The following ELMOD2 variants were observed in gnomAD, a reference collection of about 807,000 sequenced individuals.
ELMOD2 encodes ELMO domain containing 2, also known as ELMO domain-containing protein 2.
Under a neutral mutation model 41.0 loss-of-function variants are expected in ELMOD2, and 28 were observed. The observed-to-expected ratio is 0.68, with a 90% confidence interval of 0.51 to 0.94. ELMOD2 has a LOEUF of 0.94. Among genes scored for constraint, ELMOD2 ranks in the 40% least tolerant of loss-of-function variants. ELMOD2 has a pLI of 0.00. For synonymous variants in ELMOD2, 106 were observed against 107.2 expected, an observed-to-expected ratio of 0.99 and a Z score of 0.07; for missense variants, 333 against 343.1, an observed-to-expected ratio of 0.97 and a Z score of 0.23.
chr4:140,534,397 A>G (rs1296312638), intron 3 of ELMOD2, among the ~76,000 whole-genome samples: 1 of 152,166 alleles, frequency 6.6e-6, no homozygotes, highest in Non-Finnish European at 1.5e-5. Context: ...TGAAGGAAGA[A>G]TTGATTGAAA....
chr4:140,524,620 A>G, intron 1 of ELMOD2: 1 of 985,484 alleles, frequency 1.0e-6, no homozygotes, highest in Non-Finnish European at 1.2e-6. Context: ...ACCTGCGGGT[A>G]CTTCGAACTT....
At position 140,550,230 on chromosome 4, in the gene ELMOD2, GTTATC is replaced by G; in HGVS notation, c.740_744del (p.Tyr247CysfsTer3). The G allele has an allele frequency of 6.2e-7, 1 of 1,607,418 alleles. No individual in the cohort carries two copies. Among genetic ancestry groups the G allele is most frequent in the Non-Finnish European group, 8.5e-7 (1 of 1,176,456 alleles). On this transcript the variant is annotated frameshift_variant and splice_region_variant, in exon 9 of 9. Coordinates refer to ENST00000323570, the MANE Select transcript of ELMOD2 (RefSeq NM_153702.4). LOFTEE classifies it high-confidence loss of function. ...ATGTTTTGTTTTTCTTTAACTGCAG[GTTATC>G]TTGTCTATGAATTTGACAAGTTTTG...
Position 140,550,260 on chromosome 4 carries a change from G to T in ELMOD2, c.767G>T (p.Trp256Leu). The change falls in exon 9 of 9, where the codon TGG (tryptophan) becomes TTG (leucine). Residue 256 changes from tryptophan (W) to leucine (L), a missense_variant. Coordinates refer to ENST00000323570, the MANE Select transcript of ELMOD2 (RefSeq NM_153702.4). ...CTTGTCTATGAATTTGACAAGTTTTGGTTTGAAGAAGAACCAGAAAGCATT... is the reference window on the plus strand; with the variant it reads ...CTTGTCTATGAATTTGACAAGTTTTTGTTTGAAGAAGAACCAGAAAGCATT... ...CYLVYEFDKF[W>L]FEEEPESIMY... 1 of 1,610,428 alleles carries T rather than the reference G, an allele frequency of 6.2e-7. No individual in the cohort carries two copies. The highest frequency in any genetic ancestry group is 1.1e-5 in the South Asian group (1 of 90,534).
At chr4:140,533,640 C>A (rs563092378) in intron 3 of ELMOD2, among the ~76,000 whole-genome samples, 4 of 152,250 alleles carry the variant, frequency 2.6e-5, no homozygotes, top group Non-Finnish European at 4.4e-5. Context: ...CAAAATAAAA[C>A]TGCTTATCAA....
At position 140,535,754 on chromosome 4, in the gene ELMOD2, G is replaced by A; in HGVS notation, c.193G>A (p.Val65Ile). Reference protein sequence around the residue: ...KNKVLQKATHVVQSEVDKYVD... With the variant: ...KNKVLQKATHIVQSEVDKYVD... ...ATAGGTTTTACAGAAGGCGACACAT[G>A]TTGTTCAGAGTGAAGTGGACAAATA... The change falls in exon 4 of 9, where the codon GTT (valine) becomes ATT (isoleucine). Residue 65 changes from valine to isoleucine, a missense_variant. Coordinates refer to ENST00000323570, the MANE Select transcript of ELMOD2 (RefSeq NM_153702.4). 3.7e-6 allele frequency: 6 copies of A among 1,610,350 alleles called. No individual in the cohort carries two copies. Among genetic ancestry groups the A allele is most frequent in the East Asian group, 2.2e-5 (1 of 44,786 alleles).
rs189740640 is a variant in ELMOD2, at chr4:140,530,906, T to C, written c.171+3412T>C. Among the ~76,000 whole-genome samples, 93 of 152,296 alleles carry C rather than the reference T, an allele frequency of 6.1e-4. 1 individual carries two copies. The highest frequency in any genetic ancestry group is 2.2e-3 in the African/African-American group (90 of 41,580). ...TGGGTTCAAATCCTGATATTATCAA[T>C]TACCAGTTGTTTGACTGTGTACAAG... is the stretch of plus-strand genomic sequence containing the variant. On this transcript the variant is annotated intron_variant, in intron 3 of 8. Coordinates refer to ENST00000323570, the MANE Select transcript of ELMOD2 (RefSeq NM_153702.4).
At chr4:140,524,778 T>C in intron 1 of ELMOD2, 1 of 363,310 alleles carries the variant, frequency 2.8e-6, no homozygotes, top group East Asian at 1.7e-4. Context: ...AGAATTTTCT[T>C]ATGGCATAAG....
In ELMOD2 at chr4:140,550,358, C is replaced by T; in HGVS notation, c.865C>T (p.Leu289Phe). The T allele has an allele frequency of 6.2e-7, 1 of 1,604,342 alleles. No homozygotes were observed. ...KGLLLDCNVA[L>F]TLKV ...ACTTTTACTGGATTGTAATGTAGCA[C>T]TTACTTTAAAAGTATAAATCATCCA... The change falls in exon 9 of 9, where the codon CTT (leucine) becomes TTT (phenylalanine). Residue 289 changes from leucine to phenylalanine, a missense_variant. By Grantham distance (22) the Leu-to-Phe change is conservative. Transcript: ENST00000323570.
chr4:140,536,698 C>T (rs1044308904), intron 4 of ELMOD2, among the ~76,000 whole-genome samples: 6 of 152,048 alleles, frequency 3.9e-5, no homozygotes, highest in Non-Finnish European at 7.4e-5. Context: ...TTTAAGCAAA[C>T]AAGCTACATT....
At chr4:140,539,579 C>T (rs1379573429) in intron 5 of ELMOD2, among the ~76,000 whole-genome samples, 1 of 152,152 alleles carries the variant, frequency 6.6e-6, no homozygotes, top group African/African-American at 2.4e-5. Context: ...ATCTCCTGAC[C>T]TGGTGATCCA....
At position 140,535,730 on chromosome 4, in the gene ELMOD2, T is replaced by C. The variant is rs764828997; in HGVS notation, c.172-3T>C. 1.9e-6 allele frequency: 3 copies of C among 1,605,402 alleles called. No individual in the cohort carries two copies. Among genetic ancestry groups the C allele is most frequent in the Admixed American group, 3.5e-5 (2 of 57,514 alleles). The stretch of plus-strand genomic sequence containing the variant: ...CTCATTTGGCTTTCTTTTACATAAA[T>C]AGGTTTTACAGAAGGCGACACATGT... On this transcript the variant is annotated splice_region_variant and splice_polypyrimidine_tract_variant and intron_variant, in intron 3 of 8. Transcript: ENST00000323570.
At chr4:140,545,658 G>A (rs1276090564) in intron 8 of ELMOD2, among the ~76,000 whole-genome samples, 1 of 152,122 alleles carries the variant, frequency 6.6e-6, no homozygotes. Context: ...TAGCAGGCGT[G>A]AGATGCTTTC....
At chr4:140,524,615 CG>C (rs2110807245) in intron 1 of ELMOD2, 3 of 985,440 alleles carry the variant, frequency 3.0e-6, no homozygotes, top group South Asian at 9.4e-5. Flanking sequence ...CACTGACCTG[CG>C]GGTACTTCGA....
chr4:140,531,767 T>C (rs1415873030), intron 3 of ELMOD2, among the ~76,000 whole-genome samples: 1 of 152,218 alleles, frequency 6.6e-6, no homozygotes, highest in Non-Finnish European at 1.5e-5. Flanking sequence ...GTAAATTGTT[T>C]GATTTTACAC....
chr4:140,525,292 A>G (rs1012510671), intron 1 of ELMOD2, 128 bp from the exon 2 acceptor site: 5 of 1,033,766 alleles, frequency 4.8e-6, no homozygotes, highest in Non-Finnish European at 6.9e-6. Flanking sequence ...TGCCTAATTA[A>G]ACTGTCAAAA....
rs773912242 is a variant in ELMOD2, at chr4:140,537,583, A to T, written c.399+42A>T. ...TTTATGTGGAGTTGTTGAACGCTAG[A>T]AAAATAAATCAGGCTTCAGCTAAGT... On this transcript the variant is annotated intron_variant, in intron 5 of 8. Transcript: ENST00000323570. 3.3e-5 allele frequency: 52 copies of T among 1,588,072 alleles called. No individual in the cohort carries two copies. The East Asian group carries it at 1.0e-3, about 31-fold the overall frequency.
chr4:140,541,095 AT>A (rs1735092912), intron 6 of ELMOD2, among the ~76,000 whole-genome samples: 1 of 152,222 alleles, frequency 6.6e-6, no homozygotes. Context: ...ATCCCCAAAT[AT>A]GTAAGTGAAG....
chr4:140,542,475 C>T (rs756043642), intron 6 of ELMOD2, 99 bp from the exon 7 acceptor site: 4 of 813,502 alleles, frequency 4.9e-6, no homozygotes, highest in Non-Finnish European at 7.8e-6. Flanking sequence ...CATGGCAATA[C>T]TAGGACTATG....
rs1735510151 is a variant in ELMOD2 at position 140,553,108 on chromosome 4, A to G, written c.*2733A>G. On this transcript the variant is annotated 3_prime_UTR_variant, in exon 9 of 9. Transcript: ENST00000323570. The stretch of plus-strand genomic sequence containing the variant: ...TATATGTACTCTTCACTTTTGTTCC[A>G]GTACTATAATTGCTCATGCACTCTT... The G allele has an allele frequency of 6.6e-6, 1 of 152,108 alleles. No homozygotes were observed. Among genetic ancestry groups the G allele is most frequent in the African/African-American group, 2.4e-5 (1 of 41,436 alleles). The allele number at this position is 152,108 out of a possible 1,614,324, so 9.4% of individuals were successfully genotyped here.
Sources: gnomAD v4.1 joint callset for allele counts (sites outside exome capture counted in the v4.1 genomes callset) on GRCh38, gnomAD v4.1.1 for gene constraint, MANE v1.5 for transcripts, NCBI Gene and HGNC (gene_info 2026-07-23, HGNC 2026-07-21) for gene names.